INPP4A: variants seen among roughly 807,000 people sequenced by gnomAD.
INPP4A encodes the protein inositol polyphosphate-4-phosphatase type I A.
A neutral mutation model predicts 119.8 loss-of-function variants in INPP4A; 33 were observed. The observed-to-expected ratio is 0.28, with a 90% confidence interval of 0.21 to 0.37. INPP4A has a LOEUF of 0.37. Ranked by LOEUF, INPP4A falls within the 10% of genes least tolerant of loss-of-function variation. The pLI is 1.00. For missense variants in INPP4A, 956 were observed against 1,289.9 expected (o/e 0.74, Z 3.97); for synonymous variants, 496 against 500.7 (o/e 0.99, Z 0.12).
chr2:98,551,557 G>T (rs1198075342), intron 13 of INPP4A, among the ~76,000 whole-genome samples: 1 of 152,150 alleles, frequency 6.6e-6, no homozygotes, highest in Non-Finnish European at 1.5e-5. Flanking sequence ...GTGGTTTCTT[G>T]ATGAACCACT....
At chr2:98,539,985 T>C (rs1455515847) in intron 10 of INPP4A, among the ~76,000 whole-genome samples, 1 of 152,140 alleles carries the variant, frequency 6.6e-6, no homozygotes, top group Non-Finnish European at 1.5e-5. Context: ...CAGGCTGGAG[T>C]GCAGTGGTGC....
At chr2:98,582,479 A>ACACAGATCACCTACTGCATATGCCAGC (rs1699452149) in intron 24 of INPP4A, among the ~76,000 whole-genome samples, 1 of 150,162 alleles carries the variant, frequency 6.7e-6, no homozygotes, top group Admixed American at 6.6e-5. Context: ...CATACGCCAG[A>ACACAGATCACCTACTGCATATGCCAGC]CACAGAAAGA....
chr2:98,452,033 C>T (rs1431936288), intron 1 of INPP4A, among the ~76,000 whole-genome samples: 1 of 152,140 alleles, frequency 6.6e-6, no homozygotes, highest in African/African-American at 2.4e-5. Context: ...GCCATCACTG[C>T]CGGTTTCATC....
At chr2:98,523,205 T>A (rs1448543408) in intron 4 of INPP4A, among the ~76,000 whole-genome samples, 1 of 152,324 alleles carries the variant, frequency 6.6e-6, no homozygotes, top group East Asian at 1.9e-4. Context: ...AGAATGACAG[T>A]TGGTATAATT....
intron 1 of INPP4A, among the ~76,000 whole-genome samples, chr2:98,506,166 T>C (rs1051637140): frequency 6.6e-6 from 1 of 152,204 alleles, no homozygotes; most frequent in African/African-American, 2.4e-5. Context: ...GAGATGCTTA[T>C]GAAGACATGG....
At chr2:98,559,610 C>A in intron 17 of INPP4A, 115 bp downstream of exon 17, 1 of 1,105,560 alleles carries the variant, frequency 9.0e-7, no homozygotes, top group Non-Finnish European at 1.3e-6. Context: ...GGAAAGTATT[C>A]CAGGACCTCC....
chr2:98,517,695 T>C (rs1296356466), intron 1 of INPP4A, among the ~76,000 whole-genome samples: 2 of 152,264 alleles, frequency 1.3e-5, no homozygotes, highest in African/African-American at 4.8e-5. Flanking sequence ...AACATTCTTT[T>C]CTTACCTATA....
intron 1 of INPP4A, among the ~76,000 whole-genome samples, chr2:98,512,969 A>G (rs150182020): frequency 0.01 from 1,582 of 152,310 alleles, 42 homozygotes; most frequent in African/African-American, 0.036. Flanking sequence ...ATTTTATGCT[A>G]GAGAAGCATA....
chr2:98,503,431 T>C (rs1683496164), intron 1 of INPP4A, among the ~76,000 whole-genome samples: 1 of 152,238 alleles, frequency 6.6e-6, no homozygotes, highest in African/African-American at 2.4e-5. Context: ...AGTGAGTGCT[T>C]GTTGCTGGAT....
intron 17 of INPP4A, 92 bp from the exon 18 acceptor site, chr2:98,563,373 A>G (rs1695837887): frequency 8.6e-7 from 1 of 1,163,100 alleles, no homozygotes. Flanking sequence ...GGAGGACTGC[A>G]GTGGTTAGGG....
At chr2:98,447,172 A>C (rs1168408488) in intron 1 of INPP4A, among the ~76,000 whole-genome samples, 1 of 152,174 alleles carries the variant, frequency 6.6e-6, no homozygotes, top group Non-Finnish European at 1.5e-5. Context: ...TTTCGTTTTT[A>C]AATGAAAAGC....
intron 13 of INPP4A, among the ~76,000 whole-genome samples, chr2:98,550,494 A>G (rs1198655896): frequency 6.6e-6 from 1 of 152,120 alleles, no homozygotes; most frequent in African/African-American, 2.4e-5. Flanking sequence ...TGGCATCTTC[A>G]GTTTAGCCCA....
chr2:98,524,948 ATG>A (rs1213041335), intron 4 of INPP4A, among the ~76,000 whole-genome samples: 1 of 152,180 alleles, frequency 6.6e-6, no homozygotes, highest in Non-Finnish European at 1.5e-5. Flanking sequence ...AGCAATATAA[ATG>A]TATTATCTTA....
intron 4 of INPP4A, among the ~76,000 whole-genome samples, 179 bp from the exon 5 acceptor site, chr2:98,533,198 C>T (rs112528179): frequency 0.012 from 1,838 of 152,214 alleles, 17 homozygotes; most frequent in Non-Finnish European, 0.02. Context: ...GGGGAGGGGG[C>T]GTGAAAAGAG....
intron 4 of INPP4A, among the ~76,000 whole-genome samples, chr2:98,526,166 A>G (rs951104760): frequency 6.6e-6 from 1 of 152,240 alleles, no homozygotes; most frequent in Non-Finnish European, 1.5e-5. Flanking sequence ...AAAACATTCC[A>G]TTTGTATGAA....
chr2:98,534,734 G>C (rs888474610), intron 5 of INPP4A, among the ~76,000 whole-genome samples: 1 of 152,222 alleles, frequency 6.6e-6, no homozygotes, highest in African/African-American at 2.4e-5. Flanking sequence ...GTAGGCTTCT[G>C]TGCAGGGGAG....
chr2:98,554,004 G>A lies in INPP4A; in HGVS notation c.1348-267G>A, dbSNP rs1299904643. 6.6e-6 allele frequency among the ~76,000 whole-genome samples: 1 copy of A among 152,232 alleles called. No individual in the cohort carries two copies. The highest frequency in any genetic ancestry group is 2.4e-5 in the African/African-American group (1 of 41,452). ...CCTAGCAATCACAGGTCAGAGGTAGGCAGGGATCAGAGAATGTCAGAGATT... is the reference window on the plus strand; with the variant it reads ...CCTAGCAATCACAGGTCAGAGGTAGACAGGGATCAGAGAATGTCAGAGATT... On this transcript the variant is annotated intron_variant, in intron 14 of 24. Transcript: ENST00000409851. The surrounding 1 kb of genome is among the most constrained non-coding windows in gnomAD (Gnocchi z 4.7).
At chr2:98,536,931 G>A (rs1303548934) in intron 7 of INPP4A, among the ~76,000 whole-genome samples, 2 of 152,190 alleles carry the variant, frequency 1.3e-5, no homozygotes, top group African/African-American at 4.8e-5. Context: ...TTTGTTTAGA[G>A]AACTTGATTC....
chr2:98,555,719 T>A lies in INPP4A; in HGVS notation c.1733T>A (p.Ile578Asn). The A allele has an allele frequency of 1.2e-6, 2 of 1,611,012 alleles. No homozygotes were observed. The highest frequency in any genetic ancestry group is 8.5e-7 in the Non-Finnish European group (1 of 1,178,418). ...AACCCGGACAGCCACGCCTACTGGA[T>A]CAGACCAGAAGACCCCTTCTGTGAT... ...KGNPDSHAYW[I>N]RPEDPFCDVP... Residue 578 changes from isoleucine to asparagine, a missense_variant, in exon 16 of 25, where the codon ATC becomes AAC. By Grantham distance (149) the Ile-to-Asn change is moderately radical. This residue lies in a region of INPP4A where 652 missense variants were observed against 797.9 expected (regional missense o/e 0.82). Transcript: ENST00000409851.
Sources: allele counts gnomAD v4.1 joint callset (sites outside exome capture counted in the v4.1 genomes callset), GRCh38; gene constraint gnomAD v4.1.1; regional missense constraint gnomAD v4.1.1; non-coding constraint Gnocchi (gnomAD v3.1); transcripts MANE v1.5; gene names NCBI Gene and HGNC (gene_info 2026-07-23, HGNC 2026-07-21).